GPC6: variants seen among roughly 807,000 people sequenced by gnomAD.
GPC6 encodes glypican 6.
A neutral mutation model predicts 55.2 loss-of-function variants in GPC6; 14 were observed. That is an observed-to-expected ratio of 0.25 (90% CI 0.17 to 0.40). The LOEUF (loss-of-function observed/expected upper bound fraction) is 0.40. GPC6 is among the 10% of genes least tolerant of loss of function. GPC6 has a pLI of 1.00. For synonymous variants in GPC6, 278 were observed against 259.6 expected, an observed-to-expected ratio of 1.07 and a Z score of -0.68; for missense variants, 641 against 708.5, an observed-to-expected ratio of 0.90 and a Z score of 1.08.
chr13:93,880,807 G>A (rs1874918376), intron 3 of GPC6, among the ~76,000 whole-genome samples: 1 of 151,714 alleles, frequency 6.6e-6, no homozygotes, highest in Non-Finnish European at 1.5e-5. Context: ...TTAACCGTGT[G>A]CATGGGGAGA....
At chr13:94,293,487 C>G (rs1300984259) in intron 5 of GPC6, among the ~76,000 whole-genome samples, 1 of 152,142 alleles carries the variant, frequency 6.6e-6, no homozygotes, top group Non-Finnish European at 1.5e-5. Context: ...TGAGGCCTCC[C>G]CAGCCATGGG....
intron 6 of GPC6, among the ~76,000 whole-genome samples, chr13:94,359,026 C>T (rs771758283): frequency 6.6e-6 from 1 of 152,180 alleles, no homozygotes; most frequent in African/African-American, 2.4e-5. Context: ...TTGTCCTTTC[C>T]TCTCGACCAT....
intron 2 of GPC6, among the ~76,000 whole-genome samples, chr13:93,564,662 C>G (rs957020131): frequency 2.0e-5 from 3 of 151,918 alleles, no homozygotes; most frequent in African/African-American, 7.3e-5. Context: ...ATTTTTTTTC[C>G]CTTCTTCTGA....
At chr13:93,715,864 G>A (rs1444039650) in intron 2 of GPC6, among the ~76,000 whole-genome samples, 1 of 151,470 alleles carries the variant, frequency 6.6e-6, no homozygotes, top group African/African-American at 2.4e-5. Flanking sequence ...AAATGTATTC[G>A]ATAAGATTGC....
intron 1 of GPC6, among the ~76,000 whole-genome samples, chr13:93,361,653 A>G (rs1881044773): frequency 6.6e-6 from 1 of 152,212 alleles, no homozygotes; most frequent in South Asian, 2.1e-4. Context: ...TGCACAAAAT[A>G]AGATGGAAAA....
chr13:94,402,978 A>G, intron 8 of GPC6, 37 bp from the exon 9 acceptor site: 3 of 1,406,376 alleles, frequency 2.1e-6, no homozygotes, highest in Non-Finnish European at 3.0e-6. Context: ...TAAACATATC[A>G]GTGGTCTAAC....
At chr13:93,342,969 T>G (rs1880309627) in intron 1 of GPC6, among the ~76,000 whole-genome samples, 1 of 152,180 alleles carries the variant, frequency 6.6e-6, no homozygotes, top group Non-Finnish European at 1.5e-5. Flanking sequence ...GTCTTATCAC[T>G]TTTCCTATCC....
At chr13:93,601,484 A>C (rs1878014235) in intron 2 of GPC6, among the ~76,000 whole-genome samples, 1 of 152,200 alleles carries the variant, frequency 6.6e-6, no homozygotes, top group African/African-American at 2.4e-5. Context: ...TCCATCAGTT[A>C]ATGGATTCTC....
intron 4 of GPC6, among the ~76,000 whole-genome samples, chr13:94,056,978 G>T (rs1884153958): frequency 6.6e-6 from 1 of 152,102 alleles, no homozygotes; most frequent in East Asian, 1.9e-4. Context: ...TCATTTTGTT[G>T]CATTTTTCTA....
In GPC6 at chr13:93,402,621, T is replaced by C. The variant is rs192168733; in HGVS notation, c.161-142642T>C. 4.5e-3 allele frequency among the ~76,000 whole-genome samples: 686 copies of C among 152,282 alleles called. 1 individual carries two copies. The highest frequency in any genetic ancestry group is 7.9e-3 in the Non-Finnish European group (538 of 68,032). On this transcript the variant is annotated intron_variant, in intron 1 of 8. Transcript: ENST00000377047. ...CGCTACACCGTACTGACAGTAGCCA[T>C]ATGTGCCTTGATTTCTATCTGGAAA...
intron 2 of GPC6, among the ~76,000 whole-genome samples, chr13:93,826,016 A>G (rs1887231074): frequency 6.6e-6 from 1 of 151,920 alleles, no homozygotes; most frequent in Non-Finnish European, 1.5e-5. Flanking sequence ...GCCCACCACC[A>G]TGCCTGGCTA....
In GPC6 at chr13:93,820,569, A is replaced by T. The variant is rs1887009490; in HGVS notation, c.320-9585A>T. On this transcript the variant is annotated intron_variant, in intron 2 of 8. Transcript: ENST00000377047. ...GATAGTTTTTGTAAGATGTTAAAAG[A>T]TAGTTTAAATTTCTATTTTTATTAA... is the stretch of plus-strand genomic sequence containing the variant. Among the ~76,000 whole-genome samples, 3 of 151,890 alleles carry T rather than the reference A, an allele frequency of 2.0e-5. No homozygotes were observed. In the South Asian group the frequency reaches 6.2e-4, roughly 31 times the overall value.
chr13:94,371,988 C>T (rs1217339061), intron 6 of GPC6, among the ~76,000 whole-genome samples: 1 of 152,130 alleles, frequency 6.6e-6, no homozygotes, highest in Non-Finnish European at 1.5e-5. Flanking sequence ...AAAGTTCTTA[C>T]TTACAGCTGG....
At chr13:94,021,021 C>T (rs1882671792) in intron 3 of GPC6, among the ~76,000 whole-genome samples, 1 of 152,038 alleles carries the variant, frequency 6.6e-6, no homozygotes, top group Middle Eastern at 3.4e-3. Flanking sequence ...TCTTAAATGA[C>T]ATATTATGAC....
intron 1 of GPC6, among the ~76,000 whole-genome samples, chr13:93,370,721 A>C (rs1013196939): frequency 3.9e-5 from 6 of 152,140 alleles, no homozygotes; most frequent in African/African-American, 1.4e-4. Context: ...ATTATGTTAC[A>C]TAGATTTAAA....
chr13:94,316,354 A>T (rs1303460923), intron 6 of GPC6, among the ~76,000 whole-genome samples: 4 of 152,210 alleles, frequency 2.6e-5, no homozygotes, highest in African/African-American at 9.7e-5. Context: ...TCCCACCCCA[A>T]ATCTGAAGGC....
chr13:93,907,923 C>T (rs3904289), intron 3 of GPC6, among the ~76,000 whole-genome samples: 99,395 of 151,992 alleles, frequency 0.65, 32,634 homozygotes, highest in Non-Finnish European at 0.67. Context: ...CCTGAGTGTC[C>T]TCTTTACCTG....
chr13:93,486,587 T>C (rs939995567), intron 1 of GPC6, among the ~76,000 whole-genome samples: 1 of 152,212 alleles, frequency 6.6e-6, no homozygotes, highest in Non-Finnish European at 1.5e-5. Flanking sequence ...CAATATGCAG[T>C]GATTTCTAAA....
At chr13:93,774,231 C>A (rs1885389678) in intron 2 of GPC6, among the ~76,000 whole-genome samples, 2 of 152,082 alleles carry the variant, frequency 1.3e-5, no homozygotes, top group Non-Finnish European at 2.9e-5. Context: ...GAGAGTAGAA[C>A]TGGAACATTC....
Sources: allele counts gnomAD v4.1 joint callset (sites outside exome capture counted in the v4.1 genomes callset), GRCh38; gene constraint gnomAD v4.1.1; transcripts MANE v1.5; gene names NCBI Gene and HGNC (gene_info 2026-07-23, HGNC 2026-07-21).